Variants in OR7E24 observed in about 807,000 individuals in gnomAD.
OR7E24 encodes the protein olfactory receptor family 7 subfamily E member 24.
For synonymous variants in OR7E24, 130 were observed against 157.5 expected (o/e 0.83, Z 1.31); for missense variants, 385 against 410.3 (o/e 0.94, Z 0.53).
the OR7E24 span, among the ~76,000 whole-genome samples, chr19:9,241,699 G>A: frequency 3.3e-5 from 5 of 152,196 alleles, no homozygotes; most frequent in Non-Finnish European, 7.3e-5. Flanking sequence ...GGGAGGTAGA[G>A]GTTGCAGTGA....
the OR7E24 span, among the ~76,000 whole-genome samples, chr19:9,234,969 T>C: frequency 2.6e-5 from 4 of 152,144 alleles, no homozygotes; most frequent in African/African-American, 9.7e-5. Context: ...GAAAGATTAC[T>C]GCTAAATTAA....
chr19:9,246,379 AT>A (rs1203569040), upstream of OR7E24, among the ~76,000 whole-genome samples: 1 of 151,464 alleles, frequency 6.6e-6, no homozygotes. Flanking sequence ...CAATTTGCTT[AT>A]TATAGTAATT....
At chr19:9,225,177 C>G in the OR7E24 span, among the ~76,000 whole-genome samples, 2 of 152,014 alleles carry the variant, frequency 1.3e-5, no homozygotes, top group African/African-American at 4.8e-5. Flanking sequence ...GAGTTCAAGA[C>G]CAGCCTGACC....
the OR7E24 span, among the ~76,000 whole-genome samples, chr19:9,234,452 G>C: frequency 1.8e-4 from 28 of 152,008 alleles, no homozygotes; most frequent in Non-Finnish European, 4.0e-4. Context: ...CATATTTTTA[G>C]AAAGAAAAAA....
In OR7E24 at chr19:9,251,137, C is replaced by T; in HGVS notation, c.94C>T (p.Leu32Phe). Residue 32 changes from leucine (L) to phenylalanine (F), a missense_variant, in exon 1 of 1, where the codon CTC becomes TTC. By Grantham distance (22) the Leu-to-Phe change is conservative. Coordinates refer to ENST00000456448, the MANE Select transcript of OR7E24 (RefSeq NM_001079935.2). ...TCTCACAGGTGTCTCAGAATTCCTC[C>T]TCCTGGGACTCTCAGAGGATCCAGA... ...QNLTGVSEFL[L>F]LGLSEDPELQ... is the part of the protein sequence containing the mutation. 6.2e-7 allele frequency: 1 copy of T among 1,613,486 alleles called. No homozygotes were observed. Among genetic ancestry groups the T allele is most frequent in the Non-Finnish European group, 8.5e-7 (1 of 1,179,482 alleles).
At chr19:9,214,924 A>G in the OR7E24 span, 2 of 739,762 alleles carry the variant, frequency 2.7e-6, no homozygotes, top group Middle Eastern at 2.4e-4. Context: ...ACTTTACAAT[A>G]TCACCTTTTG....
the OR7E24 span, chr19:9,206,779 T>C: frequency 6.6e-6 from 1 of 152,228 alleles, no homozygotes; most frequent in Non-Finnish European, 1.5e-5. Context: ...TCACAGTTCG[T>C]GTGGAAATTA....
At chr19:9,235,298 A>C in the OR7E24 span, 2 of 1,270,502 alleles carry the variant, frequency 1.6e-6, no homozygotes, top group Non-Finnish European at 1.2e-6. Context: ...GTCAGCTCTG[A>C]CTCCCACCTC....
At chr19:9,214,294 C>T in the OR7E24 span, 4 of 1,613,948 alleles carry the variant, frequency 2.5e-6, no homozygotes, top group Admixed American at 1.7e-5. Flanking sequence ...AGGACCTGAG[C>T]CGGTTCACAG....
chr19:9,249,643 T>G (rs1186831582), upstream of OR7E24, among the ~76,000 whole-genome samples: 3 of 152,102 alleles, frequency 2.0e-5, no homozygotes, highest in Non-Finnish European at 2.9e-5. Context: ...ACAACGAAAG[T>G]AATGCCAAAG....
chr19:9,235,351 G>T, the OR7E24 span: 1 of 1,394,104 alleles, frequency 7.2e-7, no homozygotes, highest in South Asian at 1.2e-5. Context: ...GTCCTTTGTG[G>T]ACACCTGTTT....
rs1006425678 is a variant in OR7E24, at chr19:9,251,223, C to T, written c.180C>T (p.Asn60=). Residue 60 remains asparagine (N), a synonymous_variant, in exon 1 of 1, where the codon AAC becomes AAT. Transcript: ENST00000456448. ...LSMYLVTVLG[N]LLIILAVSSD... ...TGTACCTGGTCACGGTGCTGGGGAA[C>T]CTGCTCATCATCCTGGCTGTCAGCT... is the stretch of plus-strand genomic sequence containing the variant. 1 of 1,613,960 alleles carries T rather than the reference C, an allele frequency of 6.2e-7. No individual in the cohort carries two copies. Among genetic ancestry groups the T allele is most frequent in the South Asian group, 1.1e-5 (1 of 91,070 alleles).
chr19:9,212,506 G>A, the OR7E24 span: 1 of 151,990 alleles, frequency 6.6e-6, no homozygotes, highest in Non-Finnish European at 1.5e-5. Flanking sequence ...GAATACAATG[G>A]CCCGGAAATC....
the OR7E24 span, among the ~76,000 whole-genome samples, chr19:9,225,826 T>C: frequency 6.6e-6 from 1 of 152,232 alleles, no homozygotes; most frequent in South Asian, 2.1e-4. Flanking sequence ...TGTAGCCATA[T>C]GGCAGCCTGC....
rs374982296 is a variant in OR7E24, at chr19:9,251,328, G to A, written c.285G>A (p.Thr95=). 1.1e-5 allele frequency: 18 copies of A among 1,613,890 alleles called. No individual in the cohort carries two copies. Among genetic ancestry groups the A allele is most frequent in the Middle Eastern group, 1.6e-4 (1 of 6,062 alleles). The change falls in exon 1 of 1, where the codon ACG becomes ACA. Residue 95 remains threonine, a synonymous_variant. Transcript: ENST00000456448. ...SLADIGFTST[T]VPKMIVDMQT... is the part of the protein sequence containing the mutation. ...CTGACATCGGTTTCACCTCCACCAC[G>A]GTCCCCAAGATGATTGTGGACATGC...
chr19:9,246,105 T>A (rs2066128948), upstream of OR7E24, among the ~76,000 whole-genome samples: 1 of 138,306 alleles, frequency 7.2e-6, no homozygotes, highest in South Asian at 2.5e-4. Flanking sequence ...AGTCTTGCTC[T>A]GTCTCCCAGG....
At chr19:9,219,416 A>C in the OR7E24 span, 64 of 152,264 alleles carry the variant, frequency 4.2e-4, no homozygotes, top group African/African-American at 1.5e-3. Context: ...AAGTACAGGG[A>C]CTTCACCTTC....
the OR7E24 span, among the ~76,000 whole-genome samples, chr19:9,230,997 C>T: frequency 7.2e-5 from 11 of 152,180 alleles, no homozygotes; most frequent in African/African-American, 2.4e-4. Context: ...CAGCAACCTC[C>T]GCCTCCGCCT....
the OR7E24 span, among the ~76,000 whole-genome samples, chr19:9,229,085 G>A: frequency 2.0e-5 from 3 of 152,186 alleles, no homozygotes; most frequent in Admixed American, 6.5e-5. Context: ...CTTCAATAAA[G>A]TGGTTAAAAC....
Sources: gnomAD v4.1 joint callset for allele counts (sites outside exome capture counted in the v4.1 genomes callset) on GRCh38, gnomAD v4.1.1 for gene constraint, MANE v1.5 for transcripts, NCBI Gene and HGNC (gene_info 2026-07-23, HGNC 2026-07-21) for gene names.